The following PPARGC1B variants were observed in gnomAD, a reference collection of about 807,000 sequenced individuals.
PPARGC1B encodes PPARG coactivator 1 beta.
Under a neutral mutation model 101.6 loss-of-function variants are expected in PPARGC1B, and 34 were observed. The observed-to-expected ratio is 0.33, with a 90% CI of 0.25 to 0.45. The LOEUF (loss-of-function observed/expected upper bound fraction) is 0.45. PPARGC1B is among the 20% of genes least tolerant of loss of function. The pLI is 1.00. For synonymous variants in PPARGC1B, 548 were observed against 539.3 expected (o/e 1.02, Z -0.22); for missense variants, 1,234 against 1,317.6 (o/e 0.94, Z 0.98).
chr5:149,765,937 G>A (rs1253131150), intron 1 of PPARGC1B, among the ~76,000 whole-genome samples: 1 of 151,662 alleles, frequency 6.6e-6, no homozygotes, highest in African/African-American at 2.4e-5. Context: ...ATTAGATAGT[G>A]TATTTAAAGT....
intron 1 of PPARGC1B, among the ~76,000 whole-genome samples, chr5:149,742,930 T>TGG (rs955335986): frequency 6.6e-6 from 1 of 151,998 alleles, no homozygotes; most frequent in African/African-American, 2.4e-5. Flanking sequence ...GCCTCAGCTG[T>TGG]GGGGCTCAGT....
chr5:149,795,246 G>A (rs958646001), intron 1 of PPARGC1B, among the ~76,000 whole-genome samples: 9 of 152,228 alleles, frequency 5.9e-5, no homozygotes, highest in South Asian at 2.1e-4. Context: ...CCAATCTCTG[G>A]ACAACTACCT....
chr5:149,754,774 ATTTTTTTTTT>A (rs10560122), intron 1 of PPARGC1B, among the ~76,000 whole-genome samples: 2 of 68,408 alleles, frequency 2.9e-5, no homozygotes, highest in East Asian at 4.4e-4. Flanking sequence ...GAGCATCCTG[ATTTTTTTTTT>A]TTTTTTTTTT....
At chr5:149,809,553 T>A in intron 1 of PPARGC1B, among the ~76,000 whole-genome samples, 1 of 150,846 alleles carries the variant, frequency 6.6e-6, no homozygotes, top group Non-Finnish European at 1.5e-5. Context: ...CTGGGAGTGG[T>A]GGTGTGCACC....
chr5:149,790,547 G>A (rs998104466), intron 1 of PPARGC1B, among the ~76,000 whole-genome samples: 1 of 152,152 alleles, frequency 6.6e-6, no homozygotes, highest in Non-Finnish European at 1.5e-5. Flanking sequence ...GGCCTTTGAG[G>A]CTTAAAATAT....
Position 149,851,107 on chromosome 5 carries a change from G to T in PPARGC1B, c.*3549G>T, listed in dbSNP as rs980967975. On this transcript the variant is annotated 3_prime_UTR_variant, in exon 12 of 12. Transcript: ENST00000309241. ...TCAGGAGAGAGGCAGGGCTTTGCGG[G>T]CAGGAGAAGGAAGGGAGGAATGCTC... is the stretch of plus-strand genomic sequence containing the variant. 1 of 152,224 alleles carries T rather than the reference G, an allele frequency of 6.6e-6. No individual in the cohort carries two copies. The highest frequency in any genetic ancestry group is 6.5e-5 in the Admixed American group (1 of 15,280). 9.4% of individuals were successfully genotyped at this position (152,224 alleles called of 1,614,324 possible).
At chr5:149,754,171 A>G (rs11740247) in intron 1 of PPARGC1B, among the ~76,000 whole-genome samples, 120,877 of 152,252 alleles carry the variant, frequency 0.79, 48,038 homozygotes, top group South Asian at 0.89. Flanking sequence ...GTTTTAATTC[A>G]TAGTCCTTTT....
At chr5:149,781,030 C>A (rs994134306) in intron 1 of PPARGC1B, among the ~76,000 whole-genome samples, 2 of 152,076 alleles carry the variant, frequency 1.3e-5, no homozygotes, top group East Asian at 1.9e-4. Context: ...ATGGTGAAAC[C>A]CCCATCTCTA....
At chr5:149,807,069 TC>T (rs1181540268) in intron 1 of PPARGC1B, among the ~76,000 whole-genome samples, 1 of 150,476 alleles carries the variant, frequency 6.6e-6, no homozygotes, top group Non-Finnish European at 1.5e-5. Flanking sequence ...AGGTGATCCT[TC>T]CACCTCAGAC....
chr5:149,745,093 G>T (rs183491673), intron 1 of PPARGC1B, among the ~76,000 whole-genome samples: 59 of 152,074 alleles, frequency 3.9e-4, no homozygotes, highest in African/African-American at 1.2e-3. Flanking sequence ...TAGAGATAGG[G>T]TCTTGCTATA....
At position 149,853,812 on chromosome 5, in the gene PPARGC1B, T is replaced by C. The variant is rs1295495182; in HGVS notation, c.*6254T>C. 1 of 152,200 alleles carries C rather than the reference T, an allele frequency of 6.6e-6. No individual in the cohort carries two copies. The highest frequency in any genetic ancestry group is 1.5e-5 in the Non-Finnish European group (1 of 68,040). The allele number at this position is 152,200 out of a possible 1,614,324, so 9.4% of individuals were successfully genotyped here. On this transcript the variant is annotated 3_prime_UTR_variant, in exon 12 of 12. Transcript: ENST00000309241. The surrounding 1 kb of genome is among the most constrained non-coding windows in gnomAD (Gnocchi z 4.2). The stretch of plus-strand genomic sequence containing the variant: ...AGGGGAGCGTGGACAAGGTGGTATG[T>C]GCAGCAGGGGAATAGACTGCTTGGA...
chr5:149,778,509 A>C (rs1221029937), intron 1 of PPARGC1B, among the ~76,000 whole-genome samples: 1 of 151,876 alleles, frequency 6.6e-6, no homozygotes, highest in Non-Finnish European at 1.5e-5. Context: ...CTGCCATCCC[A>C]CCAGGTAGTG....
chr5:149,804,348 C>T (rs575524804), intron 1 of PPARGC1B, among the ~76,000 whole-genome samples: 5 of 152,292 alleles, frequency 3.3e-5, no homozygotes, highest in South Asian at 2.1e-4. Context: ...GGAGAGGAGA[C>T]GGATGGTCCC....
intron 1 of PPARGC1B, among the ~76,000 whole-genome samples, chr5:149,789,055 G>A (rs993467360): frequency 1.3e-5 from 2 of 152,206 alleles, no homozygotes; most frequent in Non-Finnish European, 2.9e-5. Flanking sequence ...TTGTGCACAT[G>A]TACCCTAGAA....
At chr5:149,731,463 CT>C (rs1486474526) in intron 1 of PPARGC1B, among the ~76,000 whole-genome samples, 2 of 152,188 alleles carry the variant, frequency 1.3e-5, no homozygotes, top group African/African-American at 2.4e-5. Context: ...GCGGCGGAAC[CT>C]CGGAGGAGCC....
rs565839557 is a variant in PPARGC1B, at chr5:149,804,085, G to T, written c.79-16348G>T. Among the ~76,000 whole-genome samples, 9 of 152,364 alleles carry T rather than the reference G, an allele frequency of 5.9e-5. No individual in the cohort carries two copies. The East Asian group carries it at 1.7e-3, about 29-fold the overall frequency. On this transcript the variant is annotated intron_variant, in intron 1 of 11. Coordinates refer to ENST00000309241, the MANE Select transcript of PPARGC1B (RefSeq NM_133263.4). Reference sequence around the variant, plus strand: ...AGGAAAGGCAGGAGTTTCCATAAGGGAATAAATGGATGCGGAAGGAAACCA... The same window carrying T: ...AGGAAAGGCAGGAGTTTCCATAAGGTAATAAATGGATGCGGAAGGAAACCA...
intron 3 of PPARGC1B, among the ~76,000 whole-genome samples, chr5:149,829,580 T>A (rs1758661208): frequency 1.3e-5 from 2 of 151,954 alleles, no homozygotes; most frequent in South Asian, 4.1e-4. Flanking sequence ...TTGGCTAGGA[T>A]CTCCGGCGGA....
In PPARGC1B at chr5:149,836,954, C is replaced by G. The variant is rs774898212; in HGVS notation, c.2499C>G (p.Asp833Glu). ...EDSGVSPTCS[D>E]HCPYQSPPSK... ...CAGGGGTCAGCCCCACTTGCTCTGA[C>G]CACTGCCCCTACCAGAGCCCACCAA... Residue 833 changes from aspartate (D) to glutamate (E), a missense_variant, in exon 8 of 12, where the codon GAC (aspartate) becomes GAG (glutamate). Physicochemically the swap from Asp to Glu is conservative, Grantham distance 45. Coordinates refer to ENST00000309241, the MANE Select transcript of PPARGC1B (RefSeq NM_133263.4). 15 of 1,613,984 alleles carry G rather than the reference C, an allele frequency of 9.3e-6. No individual in the cohort carries two copies. Among genetic ancestry groups the G allele is most frequent in the Admixed American group, 1.7e-5 (1 of 60,014 alleles).
chr5:149,796,351 TG>T (rs950162634), intron 1 of PPARGC1B, among the ~76,000 whole-genome samples: 2 of 152,112 alleles, frequency 1.3e-5, no homozygotes, highest in African/African-American at 4.8e-5. Flanking sequence ...GATGTCAGGA[TG>T]GCTGTGGCAT....
Sources: allele counts gnomAD v4.1 joint callset (sites outside exome capture counted in the v4.1 genomes callset), GRCh38; gene constraint gnomAD v4.1.1; non-coding constraint Gnocchi (gnomAD v3.1); transcripts MANE v1.5; gene names NCBI Gene and HGNC (gene_info 2026-07-23, HGNC 2026-07-21).